The following TMEM116 variants were observed in gnomAD, a reference collection of about 807,000 sequenced individuals.
TMEM116 encodes the protein transmembrane protein 116.
In TMEM116, 38 loss-of-function variants were observed where a neutral mutation model predicts 44.3. That is an observed-to-expected ratio of 0.86 (90% CI 0.66 to 1.12). The LOEUF (loss-of-function observed/expected upper bound fraction) is 1.12. Among genes scored for constraint, TMEM116 ranks in the 50% most tolerant of loss-of-function variants. The pLI is 0.00. For missense variants in TMEM116, 354 were observed against 401.7 expected (o/e 0.88, Z 1.01); for synonymous variants, 132 against 144.8 (o/e 0.91, Z 0.64).
chr12:111,937,854 A>G (rs1220460704), intron 6 of TMEM116, among the ~76,000 whole-genome samples: 1 of 152,214 alleles, frequency 6.6e-6, no homozygotes, highest in Non-Finnish European at 1.5e-5. Context: ...AAGGCCATCT[A>G]TTACAACTCT....
At chr12:111,944,077 A>C (rs577311832) in intron 4 of TMEM116, among the ~76,000 whole-genome samples, 1 of 152,204 alleles carries the variant, frequency 6.6e-6, no homozygotes, top group East Asian at 1.9e-4. Context: ...AAAGAACTAA[A>C]CATGCTGAAT....
chr12:111,973,493 G>C (rs781227558), intron 4 of TMEM116, among the ~76,000 whole-genome samples: 2 of 152,060 alleles, frequency 1.3e-5, no homozygotes, highest in Non-Finnish European at 2.9e-5. Context: ...AAAAATATAC[G>C]TAAGTAAAGA....
chr12:111,934,914 A>G (rs2072008003), intron 8 of TMEM116: 1 of 152,220 alleles, frequency 6.6e-6, no homozygotes, highest in Admixed American at 6.5e-5. Flanking sequence ...ATTAAATTAG[A>G]TAACACTCTT....
chr12:111,994,569 T>C (rs190077538), intron 3 of TMEM116, among the ~76,000 whole-genome samples: 1 of 152,252 alleles, frequency 6.6e-6, no homozygotes, highest in East Asian at 1.9e-4. Context: ...TGAGGTGAGA[T>C]GATCACATGG....
chr12:111,947,266 G>A (rs2073365343), intron 4 of TMEM116, among the ~76,000 whole-genome samples: 1 of 151,162 alleles, frequency 6.6e-6, no homozygotes, highest in Non-Finnish European at 1.5e-5. Context: ...CCTGTTTTGA[G>A]CAAGTGTTTT....
Position 111,942,121 on chromosome 12 carries a change from AGAGACG to A in TMEM116, c.315+1138_315+1143del, listed in dbSNP as rs1456985891. Among the ~76,000 whole-genome samples, 6 of 151,566 alleles carry A rather than the reference AGAGACG, an allele frequency of 4.0e-5. 1 individual carries two copies. Among genetic ancestry groups the A allele is most frequent in the Non-Finnish European group, 8.8e-5 (6 of 67,928 alleles). On this transcript the variant is annotated intron_variant, in intron 5 of 10. Transcript: ENST00000552374. ...GCCTGGCTAATTTTGTATTTTTAGT[AGAGACG>A]GGGTTTCTCCATATTAGTCAGGCTG...
intron 3 of TMEM116, among the ~76,000 whole-genome samples, chr12:111,994,312 C>T (rs1284914100): frequency 1.3e-5 from 2 of 152,142 alleles, no homozygotes; most frequent in Non-Finnish European, 2.9e-5. Flanking sequence ...CTTGCCCCAC[C>T]TCATCTTAAG....
At chr12:111,953,422 T>C (rs1431023905) in intron 4 of TMEM116, among the ~76,000 whole-genome samples, 1 of 151,984 alleles carries the variant, frequency 6.6e-6, no homozygotes, top group Non-Finnish European at 1.5e-5. Flanking sequence ...AATGCGAAAA[T>C]TGTCAGAATC....
chr12:111,988,220 T>C (rs946880676), intron 4 of TMEM116, among the ~76,000 whole-genome samples: 2 of 152,176 alleles, frequency 1.3e-5, no homozygotes, highest in East Asian at 3.9e-4. Flanking sequence ...CTTGAGATGA[T>C]GAAAAAGTTC....
chr12:111,957,313 C>T (rs541709017), intron 4 of TMEM116, among the ~76,000 whole-genome samples: 18 of 150,244 alleles, frequency 1.2e-4, no homozygotes, highest in East Asian at 6.0e-4. Flanking sequence ...GTCTCTGCCC[C>T]GCCGCCACCC....
At chr12:112,003,681 A>AT in intron 3 of TMEM116, 119 bp downstream of exon 3, 1 of 1,380,432 alleles carries the variant, frequency 7.2e-7, no homozygotes, top group Non-Finnish European at 9.4e-7. Context: ...TTGTATCATC[A>AT]TGACAAATTT....
At chr12:111,945,699 T>C (rs570371016) in intron 4 of TMEM116, among the ~76,000 whole-genome samples, 33 of 152,194 alleles carry the variant, frequency 2.2e-4, no homozygotes, top group Non-Finnish European at 4.3e-4. Context: ...ATGACTACCT[T>C]GCATAAAGAA....
In TMEM116 at chr12:111,940,567, G is replaced by GTATATATA. The variant is rs138347540; in HGVS notation, c.316-2365_316-2358dup. 6.9e-5 allele frequency among the ~76,000 whole-genome samples: 9 copies of GTATATATA among 130,218 alleles called. 1 individual carries two copies. Among genetic ancestry groups the GTATATATA allele is most frequent in the East Asian group, 3.5e-4 (1 of 2,880 alleles). The allele number at this position is 130,218 out of a possible 152,430, so 85.4% of individuals were successfully genotyped here. A position where few individuals can be genotyped will look rare whatever the true frequency, so the allele number is the denominator to read the frequency against. On this transcript the variant is annotated intron_variant, in intron 5 of 10. Transcript: ENST00000552374. ...TATACACACACACATATATATGTGTGTATATATATATATATATCTTCGGCT... is the reference window on the plus strand; with the variant it reads ...TATACACACACACATATATATGTGTGTATATATATATATATATATATATATCTTCGGCT...
intron 5 of TMEM116, among the ~76,000 whole-genome samples, chr12:111,942,065 A>G (rs2072872494): frequency 6.6e-6 from 1 of 151,454 alleles, no homozygotes; most frequent in Non-Finnish European, 1.5e-5. Context: ...CAGCCTCCCA[A>G]ATAGCTGGGA....
chr12:111,948,778 T>A (rs1244707889), intron 4 of TMEM116, among the ~76,000 whole-genome samples: 1 of 152,164 alleles, frequency 6.6e-6, no homozygotes. Context: ...AAAGTTCCAA[T>A]AAATTCTTTT....
intron 3 of TMEM116, among the ~76,000 whole-genome samples, chr12:112,003,031 T>C (rs557997975): frequency 9.1e-4 from 139 of 152,356 alleles, no homozygotes; most frequent in African/African-American, 3.3e-3. Context: ...AATGTATTTT[T>C]ACTCTGTTTT....
intron 4 of TMEM116, among the ~76,000 whole-genome samples, chr12:111,957,465 C>T (rs934782203): frequency 4.0e-5 from 6 of 151,018 alleles, no homozygotes; most frequent in African/African-American, 9.7e-5. Flanking sequence ...GGAGCGTCTA[C>T]GCCCGGCAGC....
chr12:111,965,377 T>TA (rs1203794186), intron 4 of TMEM116, among the ~76,000 whole-genome samples: 1 of 152,116 alleles, frequency 6.6e-6, no homozygotes, highest in African/African-American at 2.4e-5. Flanking sequence ...ACAGAAAAAA[T>TA]AAAAATCATC....
intron 8 of TMEM116, chr12:111,934,302 C>T (rs2071943295): frequency 9.2e-6 from 3 of 326,392 alleles, no homozygotes; most frequent in Non-Finnish European, 1.7e-5. Flanking sequence ...CTGGGCATTT[C>T]CCCCCACTGA....
Sources: allele counts gnomAD v4.1 joint callset (sites outside exome capture counted in the v4.1 genomes callset), GRCh38; gene constraint gnomAD v4.1.1; transcripts MANE v1.5; gene names NCBI Gene and HGNC (gene_info 2026-07-23, HGNC 2026-07-21).